The following SLC35F1 variants were observed in gnomAD, a reference collection of about 807,000 sequenced individuals.
The protein encoded by SLC35F1 is solute carrier family 35 member F1.
A neutral mutation model predicts 48.7 loss-of-function variants in SLC35F1; 14 were observed. The observed-to-expected ratio is 0.29, with a 90% CI of 0.19 to 0.45. The LOEUF is 0.45. SLC35F1 is among the 20% of genes least tolerant of loss of function. The pLI is 1.00. For missense variants in SLC35F1, 404 were observed against 500.0 expected (o/e 0.81, Z 1.83); for synonymous variants, 190 against 202.2 (o/e 0.94, Z 0.51).
intron 1 of SLC35F1, among the ~76,000 whole-genome samples, chr6:118,153,539 A>G (rs1356502868): frequency 6.6e-6 from 1 of 152,172 alleles, no homozygotes; most frequent in African/African-American, 2.4e-5. Context: ...ACTTTCAGGG[A>G]GGGCAGAAAT....
chr6:118,297,045 C>T (rs1447008804), intron 7 of SLC35F1, among the ~76,000 whole-genome samples: 1 of 152,160 alleles, frequency 6.6e-6, no homozygotes, highest in African/African-American at 2.4e-5. Flanking sequence ...CTCTACACAT[C>T]TCTAGGGGCC....
intron 3 of SLC35F1, among the ~76,000 whole-genome samples, chr6:118,264,546 TC>T (rs1235811345): frequency 1.3e-5 from 2 of 152,224 alleles, no homozygotes; most frequent in Non-Finnish European, 2.9e-5. Context: ...ATCTCAGGAC[TC>T]ATCAAGTGCT....
At chr6:117,951,586 A>G (rs1776363447) in intron 1 of SLC35F1, among the ~76,000 whole-genome samples, 1 of 152,200 alleles carries the variant, frequency 6.6e-6, no homozygotes. Context: ...GTAAAAGAAA[A>G]CATTTCTGCA....
At chr6:118,064,713 T>G (rs976736035) in intron 1 of SLC35F1, among the ~76,000 whole-genome samples, 3 of 152,212 alleles carry the variant, frequency 2.0e-5, no homozygotes, top group Admixed American at 2.0e-4. Context: ...AATTCTGAGC[T>G]TGTATTCTAA....
intron 2 of SLC35F1, among the ~76,000 whole-genome samples, chr6:118,221,640 T>C (rs577533814): frequency 2.0e-5 from 3 of 152,328 alleles, no homozygotes; most frequent in African/African-American, 7.2e-5. Context: ...TTTTGTAGCT[T>C]TCTTATCATG....
intron 1 of SLC35F1, among the ~76,000 whole-genome samples, chr6:118,101,999 T>G (rs976076771): frequency 1.3e-5 from 2 of 152,166 alleles, no homozygotes; most frequent in African/African-American, 4.8e-5. Flanking sequence ...TTTGCAAGAT[T>G]GACTGGTTTT....
At chr6:118,210,624 T>C (rs1391927611) in intron 2 of SLC35F1, among the ~76,000 whole-genome samples, 1 of 152,164 alleles carries the variant, frequency 6.6e-6, no homozygotes, top group Admixed American at 6.6e-5. Context: ...TCTCTCCTTG[T>C]GATTATTTAA....
chr6:118,147,966 A>T (rs1356567609), intron 1 of SLC35F1, among the ~76,000 whole-genome samples: 4 of 152,188 alleles, frequency 2.6e-5, no homozygotes, highest in Admixed American at 6.5e-5. Flanking sequence ...ATATAAGTCT[A>T]ATTAATGCTT....
intron 7 of SLC35F1, among the ~76,000 whole-genome samples, chr6:118,297,653 A>ATATAAT (rs377592182): frequency 0.048 from 5,775 of 120,570 alleles, 229 homozygotes; most frequent in Non-Finnish European, 0.07. Flanking sequence ...ATATATATAT[A>ATATAAT]ATATATATAA....
chr6:118,099,670 G>A (rs560909937), intron 1 of SLC35F1, among the ~76,000 whole-genome samples: 4 of 152,246 alleles, frequency 2.6e-5, no homozygotes, highest in East Asian at 1.9e-4. Flanking sequence ...AAAATAGCCC[G>A]GTGGCCAAGA....
At chr6:118,113,102 A>G (rs984001425) in intron 1 of SLC35F1, among the ~76,000 whole-genome samples, 2 of 152,032 alleles carry the variant, frequency 1.3e-5, no homozygotes, top group Non-Finnish European at 2.9e-5. Context: ...ATTTTTATTT[A>G]TTTCTAAAGA....
At chr6:118,074,032 T>G (rs1257977974) in intron 1 of SLC35F1, among the ~76,000 whole-genome samples, 1 of 152,210 alleles carries the variant, frequency 6.6e-6, no homozygotes, top group African/African-American at 2.4e-5. Context: ...CTCAATTACT[T>G]TAGCTTTTCC....
At chr6:117,967,233 C>CA (rs1250923294) in intron 1 of SLC35F1, among the ~76,000 whole-genome samples, 1 of 151,408 alleles carries the variant, frequency 6.6e-6, no homozygotes, top group Non-Finnish European at 1.5e-5. Context: ...AAATTAACTA[C>CA]AAAGCATGGG....
chr6:118,155,676 G>A (rs1415889908), intron 2 of SLC35F1, among the ~76,000 whole-genome samples: 2 of 152,126 alleles, frequency 1.3e-5, no homozygotes, highest in Admixed American at 6.5e-5. Flanking sequence ...TTAGCACAAG[G>A]TGTAAGCACT....
rs5018969 is a variant in SLC35F1 at position 118,297,642 on chromosome 6, A to T, written c.1002+12304A>T. On this transcript the variant is annotated intron_variant, in intron 7 of 7. Coordinates refer to ENST00000360388, the MANE Select transcript of SLC35F1 (RefSeq NM_001029858.4). Reference sequence around the variant, plus strand: ...AGAACTTATATATATATATATAAAAAATATATATATAATATATATAATATT... The same window carrying T: ...AGAACTTATATATATATATATAAAATATATATATATAATATATATAATATT... 8.9e-3 allele frequency among the ~76,000 whole-genome samples: 332 copies of T among 37,382 alleles called. 1 individual carries two copies. The highest frequency in any genetic ancestry group is 0.031 in the Middle Eastern group (2 of 64). The allele number at this position is 37,382 out of a possible 152,430, so 24.5% of individuals were successfully genotyped here. A position where few individuals can be genotyped will look rare whatever the true frequency, so the allele number is the denominator to read the frequency against.
At chr6:117,944,737 A>G (rs1199291451) in intron 1 of SLC35F1, among the ~76,000 whole-genome samples, 2 of 152,206 alleles carry the variant, frequency 1.3e-5, no homozygotes, top group African/African-American at 4.8e-5. Context: ...GCATATAAAC[A>G]AGAGAAATTT....
chr6:117,990,319 G>A (rs1444623393), intron 1 of SLC35F1, among the ~76,000 whole-genome samples: 1 of 152,052 alleles, frequency 6.6e-6, no homozygotes, highest in East Asian at 1.9e-4. Context: ...GAGGCCATTG[G>A]GAAGTGTGAG....
rs1554226037 is a variant in SLC35F1 at position 118,070,163 on chromosome 6, A to AAG, written c.174-84282_174-84281insAG. The stretch of plus-strand genomic sequence containing the variant: ...GTCTCAAAAAAAAAAAAAAAAAAAA[A>AAG]GAATGTTCATTTAATTAAAGATAAG... On this transcript the variant is annotated intron_variant, in intron 1 of 7. Coordinates refer to ENST00000360388, the MANE Select transcript of SLC35F1 (RefSeq NM_001029858.4). Among the ~76,000 whole-genome samples, 116 of 151,146 alleles carry AAG rather than the reference A, an allele frequency of 7.7e-4. 3 individuals are homozygous for AAG. The East Asian group carries it at 0.018, about 24-fold the overall frequency.
At chr6:118,252,158 G>A (rs561318667) in intron 3 of SLC35F1, among the ~76,000 whole-genome samples, 4 of 152,160 alleles carry the variant, frequency 2.6e-5, no homozygotes, top group East Asian at 3.9e-4. Context: ...GCAGGGGACC[G>A]ATGTGATCTA....
Sources: allele counts gnomAD v4.1 joint callset (sites outside exome capture counted in the v4.1 genomes callset), GRCh38; gene constraint gnomAD v4.1.1; transcripts MANE v1.5; gene names NCBI Gene and HGNC (gene_info 2026-07-23, HGNC 2026-07-21).